ITGA3: variants seen among roughly 807,000 people sequenced by gnomAD.
ITGA3 encodes the protein integrin subunit alpha 3.
Under a neutral mutation model 131.1 loss-of-function variants are expected in ITGA3, and 70 were observed. The ratio of observed to expected loss-of-function variants is 0.53; its 90% CI spans 0.44 to 0.65. ITGA3 has a LOEUF of 0.65. Among genes scored for constraint, ITGA3 ranks in the 30% least tolerant of loss-of-function variants. The pLI, the probability that ITGA3 is intolerant of heterozygous loss-of-function variation, is 0.00. For missense variants in ITGA3, 1,098 were observed against 1,388.6 expected (o/e 0.79, Z 3.33); for synonymous variants, 537 against 571.6 (o/e 0.94, Z 0.86).
At chr17:50,071,956 A>G (rs1406886661) in intron 6 of ITGA3, 30 bp from the exon 7 acceptor site, 1 of 1,593,764 alleles carries the variant, frequency 6.3e-7, no homozygotes, top group Admixed American at 1.7e-5. Flanking sequence ...GGCTGACCTC[A>G]CACTCCCATT....
chr17:50,073,260 C>T (rs1381143936), intron 7 of ITGA3, among the ~76,000 whole-genome samples: 1 of 152,188 alleles, frequency 6.6e-6, no homozygotes, highest in East Asian at 1.9e-4. Context: ...TTGACACTTT[C>T]AGTGAAGTTC....
At chr17:50,071,219 G>C (rs369606985) in intron 5 of ITGA3, 92 bp from the exon 6 acceptor site, 10 of 1,139,532 alleles carry the variant, frequency 8.8e-6, no homozygotes, top group African/African-American at 7.7e-5. Flanking sequence ...ACATCATGGT[G>C]GGGGGCAAGA....
rs1164063823 is a variant in ITGA3 at position 50,071,601 on chromosome 17, G to A, written c.959+83G>A. ...ACCTAAGCCAGGTGAGGGGAGTGGAGGATTTGCAGTTGTGCGGCTGTCTGC... is the reference window on the plus strand; with the variant it reads ...ACCTAAGCCAGGTGAGGGGAGTGGAAGATTTGCAGTTGTGCGGCTGTCTGC... On this transcript the variant is annotated intron_variant, in intron 6 of 25. Transcript: ENST00000320031. 5.4e-6 allele frequency: 7 copies of A among 1,288,396 alleles called. No individual in the cohort carries two copies. The African/African-American group carries it at 7.4e-5, about 14-fold the overall frequency. The allele number at this position is 1,288,396 out of a possible 1,614,324, so 79.8% of individuals were successfully genotyped here. A position where few individuals can be genotyped will look rare whatever the true frequency, so the allele number is the denominator to read the frequency against.
chr17:50,067,528 G>A (rs913408544), intron 3 of ITGA3, among the ~76,000 whole-genome samples: 4 of 152,170 alleles, frequency 2.6e-5, no homozygotes, highest in African/African-American at 4.8e-5. Context: ...TAAAATGGGG[G>A]AAATAATCAT....
At position 50,090,087 on chromosome 17, in the gene ITGA3, C is replaced by A; in HGVS notation, c.*1009C>A. ...AGGAGATGCCACTTCTCACTCACCACTACCAGCCAGCCTCAGAAGGCCCCA... is the reference window on the plus strand; with the variant it reads ...AGGAGATGCCACTTCTCACTCACCAATACCAGCCAGCCTCAGAAGGCCCCA... On this transcript the variant is annotated 3_prime_UTR_variant, in exon 26 of 26. Coordinates refer to ENST00000320031, the MANE Select transcript of ITGA3 (RefSeq NM_002204.4). 2.9e-6 allele frequency: 1 copy of A among 349,222 alleles called. No homozygotes were observed. 21.6% of individuals were successfully genotyped at this position (349,222 alleles called of 1,614,324 possible).
Position 50,087,667 on chromosome 17 carries a change from G to A in ITGA3, c.2920-77G>A, listed in dbSNP as rs151112247. 1,104 of 1,501,806 alleles carry A rather than the reference G, an allele frequency of 7.4e-4. 5 individuals are homozygous for A. In the African/African-American group the frequency reaches 0.013, roughly 18 times the overall value. The allele number at this position is 1,501,806 out of a possible 1,614,324, so 93.0% of individuals were successfully genotyped here. A position where few individuals can be genotyped will look rare whatever the true frequency, so the allele number is the denominator to read the frequency against. On this transcript the variant is annotated intron_variant, in intron 23 of 25. Transcript: ENST00000320031. ...AGCAGGACAAACAGCAGGTGCCTGG[G>A]CCCAGCTAGGATAGGAAGGGTGAGG...
At chr17:50,057,125 C>T (rs963034458) in intron 1 of ITGA3, among the ~76,000 whole-genome samples, 2 of 152,248 alleles carry the variant, frequency 1.3e-5, no homozygotes, top group African/African-American at 4.8e-5. Flanking sequence ...ACTGGATGGC[C>T]TTCTCAACCG....
chr17:50,080,396 G>C (rs1247532896), intron 22 of ITGA3, 21 bp downstream of exon 22: 1 of 1,488,168 alleles, frequency 6.7e-7, no homozygotes, highest in South Asian at 1.1e-5. Flanking sequence ...GGGTCTGAAG[G>C]TCTCTCCTAC....
At chr17:50,088,993 C>T (rs368769659) in intron 25 of ITGA3, 117 bp from the exon 26 acceptor site, 15 of 749,342 alleles carry the variant, frequency 2.0e-5, no homozygotes, top group African/African-American at 1.2e-4. Flanking sequence ...GGATGCGTTT[C>T]GGTCAAGAGT....
At chr17:50,088,571 T>G (rs935297664) in intron 25 of ITGA3, among the ~76,000 whole-genome samples, 1 of 152,202 alleles carries the variant, frequency 6.6e-6, no homozygotes. Flanking sequence ...CCTTGGTGAC[T>G]TGGGACCCCA....
Position 50,078,108 on chromosome 17 carries a change from G to A in ITGA3, c.2202G>A (p.Val734=). 1 of 1,613,796 alleles carries A rather than the reference G, an allele frequency of 6.2e-7. No individual in the cohort carries two copies. The highest frequency in any genetic ancestry group is 8.5e-7 in the Non-Finnish European group (1 of 1,179,720). ...GVTLHTRDLQ[V]QLQLSTSSHQ... ...CCCTGCACACAAGGGACCTTCAGGT[G>A]CAGCTGCAGCTCTCCACGTGAGTGA... The change falls in exon 17 of 26, where the codon GTG becomes GTA. Residue 734 remains valine, a synonymous_variant. Coordinates refer to ENST00000320031, the MANE Select transcript of ITGA3 (RefSeq NM_002204.4).
intron 1 of ITGA3, among the ~76,000 whole-genome samples, chr17:50,059,632 A>C (rs888477284): frequency 1.3e-5 from 2 of 152,186 alleles, no homozygotes; most frequent in African/African-American, 4.8e-5. Flanking sequence ...CCCAGTGACC[A>C]GTCTAGGCCA....
chr17:50,089,204 G>C lies in ITGA3; in HGVS notation c.*126G>C. ...GAGGAGCGCTACCCACCTCCAGGGAGCACCCTGCCCACCAAGAAGCACTGG... is the reference window on the plus strand; with the variant it reads ...GAGGAGCGCTACCCACCTCCAGGGACCACCCTGCCCACCAAGAAGCACTGG... On this transcript the variant is annotated 3_prime_UTR_variant, in exon 26 of 26. Transcript: ENST00000320031. 6.2e-7 allele frequency: 1 copy of C among 1,613,640 alleles called. No homozygotes were observed. Among genetic ancestry groups the C allele is most frequent in the Non-Finnish European group, 8.5e-7 (1 of 1,179,856 alleles).
chr17:50,059,366 G>A (rs986123759), intron 1 of ITGA3, among the ~76,000 whole-genome samples: 3 of 152,136 alleles, frequency 2.0e-5, no homozygotes, highest in African/African-American at 4.8e-5. Context: ...GGATACTGCC[G>A]GTCCTTCTCT....
intron 13 of ITGA3, 33 bp from the exon 14 acceptor site, chr17:50,076,551 G>A: frequency 6.2e-7 from 1 of 1,607,904 alleles, no homozygotes; most frequent in Non-Finnish European, 8.5e-7. Context: ...TGGGGGGGGT[G>A]GTGCGGCCTT....
Position 50,079,076 on chromosome 17 carries a change from G to C in ITGA3, c.2401G>C (p.Val801Leu). 1 of 1,613,306 alleles carries C rather than the reference G, an allele frequency of 6.2e-7. No individual in the cohort carries two copies. The highest frequency in any genetic ancestry group is 8.5e-7 in the Non-Finnish European group (1 of 1,179,524). The change falls in exon 20 of 26, where the codon GTG (valine) becomes CTG (leucine). Residue 801 changes from valine (V) to leucine (L), a missense_variant and splice_region_variant. Val to Leu is a conservative substitution (Grantham distance 32). Coordinates refer to ENST00000320031, the MANE Select transcript of ITGA3 (RefSeq NM_002204.4). Reference sequence around the variant, plus strand: ...ACTATGACACATCTTGTGCCCACAGGTGGGCCCAATGGGGGAGGGGCTGGT... The same window carrying C: ...ACTATGACACATCTTGTGCCCACAGCTGGGCCCAATGGGGGAGGGGCTGGT... Reference protein sequence around the residue: ...VGSPLKYEFQVGPMGEGLVGL... With the variant: ...VGSPLKYEFQLGPMGEGLVGL...
Position 50,089,104 on chromosome 17 carries a change from C to A in ITGA3, c.*32-6C>A. ...AATGTTCTTTCTCTTCTCCCTCCAA[C>A]TCCAGTGTGACTTCTTTAAGCGGAC... On this transcript the variant is annotated splice_region_variant and splice_polypyrimidine_tract_variant and intron_variant, in intron 25 of 25. Coordinates refer to ENST00000320031, the MANE Select transcript of ITGA3 (RefSeq NM_002204.4). 6.2e-7 allele frequency: 1 copy of A among 1,611,136 alleles called. No homozygotes were observed. The highest frequency in any genetic ancestry group is 8.5e-7 in the Non-Finnish European group (1 of 1,177,772).
At chr17:50,063,891 C>T (rs917260255) in intron 1 of ITGA3, 186 bp from the exon 2 acceptor site, 28 of 742,126 alleles carry the variant, frequency 3.8e-5, no homozygotes, top group African/African-American at 7.1e-5. Context: ...TTCCCACTCC[C>T]GGGGCACTTC....
chr17:50,069,767 AG>A (rs1408832295), intron 4 of ITGA3, among the ~76,000 whole-genome samples: 1 of 152,206 alleles, frequency 6.6e-6, no homozygotes, highest in Non-Finnish European at 1.5e-5. Context: ...TAGAGGATGA[AG>A]GGTATTTTCT....
Sources: gnomAD v4.1 joint callset for allele counts (sites outside exome capture counted in the v4.1 genomes callset) on GRCh38, gnomAD v4.1.1 for gene constraint, MANE v1.5 for transcripts, NCBI Gene and HGNC (gene_info 2026-07-23, HGNC 2026-07-21) for gene names.